Variants in ANKRD33B observed in about 807,000 individuals in gnomAD.
ANKRD33B encodes ankyrin repeat domain 33B, also known as ankyrin repeat domain-containing protein 33B.
In ANKRD33B, 6 loss-of-function variants were observed where a neutral mutation model predicts 21.5. The observed-to-expected ratio is 0.28, with a 90% CI of 0.15 to 0.55. The LOEUF is 0.55. Among genes scored for constraint, ANKRD33B ranks in the 20% least tolerant of loss-of-function variants. The pLI, the probability that ANKRD33B is intolerant of heterozygous loss-of-function variation, is 0.94. For missense variants in ANKRD33B, 698 were observed against 747.2 expected (o/e 0.93, Z 0.77); for synonymous variants, 347 against 342.4 (o/e 1.01, Z -0.15).
chr5:10,640,879 C>T (rs921791803), intron 3 of ANKRD33B, among the ~76,000 whole-genome samples: 2 of 152,248 alleles, frequency 1.3e-5, no homozygotes, highest in Non-Finnish European at 2.9e-5. Flanking sequence ...TTCCTTCTTA[C>T]TGTCTCCTCT....
intron 1 of ANKRD33B, among the ~76,000 whole-genome samples, chr5:10,575,328 C>T (rs1041933684): frequency 6.6e-6 from 1 of 150,544 alleles, no homozygotes; most frequent in African/African-American, 2.5e-5. Flanking sequence ...GAGGCTGAGG[C>T]AGGGGCAGAA....
intron 2 of ANKRD33B, among the ~76,000 whole-genome samples, chr5:10,623,826 G>A (rs1172991282): frequency 6.6e-6 from 1 of 152,192 alleles, no homozygotes; most frequent in Non-Finnish European, 1.5e-5. Context: ...AGGAGGAGGC[G>A]GGCAGAGGCC....
intron 2 of ANKRD33B, among the ~76,000 whole-genome samples, chr5:10,618,948 A>C (rs1424182684): frequency 6.6e-6 from 1 of 152,154 alleles, no homozygotes; most frequent in Non-Finnish European, 1.5e-5. Context: ...ACAAGCTGAG[A>C]TGAAGTCAGT....
chr5:10,624,875 T>C (rs910223058), intron 2 of ANKRD33B: 5 of 452,566 alleles, frequency 1.1e-5, no homozygotes, highest in African/African-American at 6.0e-5. Context: ...CTGGAGTCTT[T>C]CTTTGAATAG....
chr5:10,631,066 T>G (rs6896826), intron 2 of ANKRD33B, among the ~76,000 whole-genome samples: 1 of 151,924 alleles, frequency 6.6e-6, no homozygotes, highest in Non-Finnish European at 1.5e-5. Context: ...TTCTTTATGT[T>G]AGGGCAGTAT....
intron 1 of ANKRD33B, among the ~76,000 whole-genome samples, chr5:10,600,736 C>A (rs184940309): frequency 1.5e-4 from 23 of 152,246 alleles, no homozygotes; most frequent in Admixed American, 1.0e-3. Context: ...ATAGAAACTG[C>A]CAGTTTCCCA....
intron 3 of ANKRD33B, among the ~76,000 whole-genome samples, chr5:10,646,177 G>C (rs1290798881): frequency 6.6e-6 from 1 of 152,192 alleles, no homozygotes; most frequent in Non-Finnish European, 1.5e-5. Context: ...GCAGCGAGTG[G>C]ACCCATGGGT....
chr5:10,621,756 T>G (rs1285539453), intron 2 of ANKRD33B, among the ~76,000 whole-genome samples: 1 of 152,236 alleles, frequency 6.6e-6, no homozygotes, highest in Non-Finnish European at 1.5e-5. Flanking sequence ...AATATAATGT[T>G]GTGGGTTATC....
chr5:10,648,802 GTTTTATTC>G (rs1219057585), intron 3 of ANKRD33B, among the ~76,000 whole-genome samples: 2 of 151,646 alleles, frequency 1.3e-5, no homozygotes, highest in East Asian at 2.0e-4. Flanking sequence ...TTCAGGCGGG[GTTTTATTC>G]AGGACAGATA....
intron 2 of ANKRD33B, among the ~76,000 whole-genome samples, chr5:10,637,695 T>G (rs547278069): frequency 1.3e-5 from 2 of 152,064 alleles, no homozygotes; most frequent in Non-Finnish European, 2.9e-5. Flanking sequence ...TCATTGGCTG[T>G]CTGAGGCTGC....
chr5:10,617,134 A>C (rs1168105676), intron 1 of ANKRD33B, among the ~76,000 whole-genome samples: 8 of 152,158 alleles, frequency 5.3e-5, no homozygotes, highest in Admixed American at 5.2e-4. Context: ...CCAAAGCCCC[A>C]CTTCCTGCGC....
chr5:10,590,643 G>A (rs1388684260), intron 1 of ANKRD33B, among the ~76,000 whole-genome samples: 1 of 152,154 alleles, frequency 6.6e-6, no homozygotes, highest in Non-Finnish European at 1.5e-5. Context: ...GCCAGTGTTA[G>A]TGTTAGTATA....
chr5:10,592,108 C>G (rs1184900641), intron 1 of ANKRD33B, among the ~76,000 whole-genome samples: 2 of 151,200 alleles, frequency 1.3e-5, no homozygotes, highest in Non-Finnish European at 2.9e-5. Flanking sequence ...GTTTACTGCT[C>G]AGTAATCAAC....
chr5:10,653,281 G>A lies in ANKRD33B; in HGVS notation c.*3168G>A, dbSNP rs1249190040. 6.6e-6 allele frequency: 1 copy of A among 152,472 alleles called. No homozygotes were observed. The highest frequency in any genetic ancestry group is 1.5e-5 in the Non-Finnish European group (1 of 68,126). 9.4% of individuals were successfully genotyped at this position (152,472 alleles called of 1,614,324 possible). On this transcript the variant is annotated 3_prime_UTR_variant, in exon 4 of 4. Transcript: ENST00000296657. ...CCATGTGGAAGCAGATTTGCTAGTA[G>A]AGGAATTTTCCAAGTCAAGGGAAGT...
chr5:10,619,399 A>G lies in ANKRD33B; in HGVS notation c.496+937A>G. 1.0e-6 allele frequency: 1 copy of G among 984,992 alleles called. No individual in the cohort carries two copies. Among genetic ancestry groups the G allele is most frequent in the Non-Finnish European group, 1.2e-6 (1 of 829,560 alleles). The allele number at this position is 984,992 out of a possible 1,614,324, so 61.0% of individuals were successfully genotyped here. A position where few individuals can be genotyped will look rare whatever the true frequency, so the allele number is the denominator to read the frequency against. ...ACACTGTATGTTGATTCTGGTTGGG[A>G]AATGGCTGTTGCTGTCACCAAAAGG... On this transcript the variant is annotated intron_variant, in intron 2 of 3. Transcript: ENST00000296657. This position sits in a 1 kb window ranked among gnomAD's most constrained non-coding sequence, Gnocchi z 4.5.
intron 3 of ANKRD33B, among the ~76,000 whole-genome samples, chr5:10,638,717 G>T (rs1208677447): frequency 6.6e-6 from 1 of 151,990 alleles, no homozygotes; most frequent in East Asian, 1.9e-4. Context: ...GTGACGTGTT[G>T]CATGGTAACG....
chr5:10,612,137 G>A (rs1466524439), intron 1 of ANKRD33B, among the ~76,000 whole-genome samples: 1 of 152,212 alleles, frequency 6.6e-6, no homozygotes, highest in Non-Finnish European at 1.5e-5. Context: ...TTTAAGACTT[G>A]TATGAAGTAT....
intron 3 of ANKRD33B, among the ~76,000 whole-genome samples, chr5:10,643,827 A>C (rs1415844818): frequency 6.6e-6 from 1 of 151,342 alleles, no homozygotes; most frequent in African/African-American, 2.4e-5. Flanking sequence ...CTCAAAAAAA[A>C]AAAAAAAAAA....
intron 3 of ANKRD33B, among the ~76,000 whole-genome samples, chr5:10,640,417 A>C (rs1290006896): frequency 1.3e-5 from 2 of 152,208 alleles, no homozygotes; most frequent in African/African-American, 2.4e-5. Flanking sequence ...CCTAGAGGCT[A>C]TCCAGCTTCA....
Sources: gnomAD v4.1 joint callset for allele counts (sites outside exome capture counted in the v4.1 genomes callset) on GRCh38, gnomAD v4.1.1 for gene constraint, Gnocchi (gnomAD v3.1) non-coding constraint, MANE v1.5 for transcripts, NCBI Gene and HGNC (gene_info 2026-07-23, HGNC 2026-07-21) for gene names.